Variants in LRP1B observed in about 807,000 individuals in gnomAD.
LRP1B encodes low-density lipoprotein receptor-related protein 1B.
Under a neutral mutation model 556.6 loss-of-function variants are expected in LRP1B, and 217 were observed. The observed-to-expected ratio is 0.39, with a 90% confidence interval of 0.35 to 0.44. LRP1B has a LOEUF of 0.44. Among genes scored for constraint, LRP1B ranks in the 20% least tolerant of loss-of-function variants. The probability of loss-of-function intolerance (pLI) is 1.00; values close to 1 mark genes in which losing one functional copy is unlikely to be tolerated. For missense variants in LRP1B, 5,053 were observed against 5,620.8 expected (o/e 0.90, Z 3.23); for synonymous variants, 2,047 against 1,865.8 (o/e 1.10, Z -2.50).
intron 76 of LRP1B, 45 bp from the exon 77 acceptor site, chr2:140,351,083 CTAA>C: frequency 7.9e-7 from 1 of 1,264,956 alleles, no homozygotes; most frequent in South Asian, 1.4e-5. Flanking sequence ...TAAATTTCAA[CTAA>C]TGTTAAAAGC....
chr2:141,221,288 T>TA (rs3063857), intron 6 of LRP1B, among the ~76,000 whole-genome samples: 2,473 of 131,058 alleles, frequency 0.019, 51 homozygotes, highest in African/African-American at 0.064. Flanking sequence ...CCAACAAAGA[T>TA]AAAAAAAAAA....
intron 62 of LRP1B, among the ~76,000 whole-genome samples, chr2:140,452,270 C>A (rs376596072): frequency 6.6e-6 from 1 of 151,966 alleles, no homozygotes; most frequent in Non-Finnish European, 1.5e-5. Flanking sequence ...AATCTATTAC[C>A]GTAAACTAAT....
chr2:142,003,772 A>C (rs1702726245), intron 1 of LRP1B, among the ~76,000 whole-genome samples: 1 of 152,208 alleles, frequency 6.6e-6, no homozygotes, highest in Non-Finnish European at 1.5e-5. Context: ...GGCCCCTGAC[A>C]GTCTTTAAGT....
rs769157092 is a variant in LRP1B, at chr2:141,561,042, C to T, written c.206-80509G>A. On this transcript the variant is annotated intron_variant, in intron 2 of 90. Coordinates refer to ENST00000389484, the MANE Select transcript of LRP1B (RefSeq NM_018557.3). ...GTAATCAAACTATGAATTAACTAGT[C>T]TACCTTGTGGGTTTTAAGCAGGGTA... Among the ~76,000 whole-genome samples the T allele has an allele frequency of 3.3e-5, 5 of 151,820 alleles. No homozygotes were observed. In the Middle Eastern group the frequency reaches 0.01, roughly 310 times the overall value.
chr2:142,065,516 T>C (rs1038896636), intron 1 of LRP1B, among the ~76,000 whole-genome samples: 4 of 151,338 alleles, frequency 2.6e-5, no homozygotes, highest in Admixed American at 1.3e-4. Flanking sequence ...TTTGTAATTA[T>C]TTTGGGCTTA....
intron 7 of LRP1B, among the ~76,000 whole-genome samples, chr2:141,137,473 T>C (rs968877672): frequency 6.6e-6 from 1 of 151,824 alleles, no homozygotes; most frequent in African/African-American, 2.4e-5. Flanking sequence ...GCCTTAATAT[T>C]GAAAGATTGA....
At chr2:140,550,956 C>A (rs1680526726) in intron 43 of LRP1B, among the ~76,000 whole-genome samples, 1 of 151,950 alleles carries the variant, frequency 6.6e-6, no homozygotes, top group African/African-American at 2.4e-5. Flanking sequence ...TAATTAATGT[C>A]CTTATAAGTA....
intron 80 of LRP1B, 31 bp from the exon 81 acceptor site, chr2:140,324,097 T>G (rs1439753491): frequency 7.0e-7 from 1 of 1,427,932 alleles, no homozygotes; most frequent in Non-Finnish European, 9.9e-7. Flanking sequence ...TTATGAAAGT[T>G]TTAATGTATA....
chr2:141,306,218 T>C (rs774731093), intron 3 of LRP1B, among the ~76,000 whole-genome samples: 19 of 152,076 alleles, frequency 1.2e-4, no homozygotes, highest in African/African-American at 4.3e-4. Flanking sequence ...TGAGGAAAAT[T>C]GGTACTCATT....
chr2:140,754,830 T>A (rs1410844746), intron 35 of LRP1B, among the ~76,000 whole-genome samples: 2 of 150,038 alleles, frequency 1.3e-5, no homozygotes, highest in South Asian at 2.1e-4. Context: ...GTGAAATTTT[T>A]AAAAATACAG....
At chr2:140,632,078 T>C (rs1683907148) in intron 41 of LRP1B, among the ~76,000 whole-genome samples, 1 of 152,090 alleles carries the variant, frequency 6.6e-6, no homozygotes. Context: ...GAAGAATAAA[T>C]AAAAACTTTC....
chr2:140,807,921 G>A lies in LRP1B; in HGVS notation c.5359+5736C>T, dbSNP rs372914335. 7.0e-4 allele frequency among the ~76,000 whole-genome samples: 107 copies of A among 151,988 alleles called. No individual in the cohort carries two copies. In the South Asian group the frequency reaches 0.017, roughly 25 times the overall value. The stretch of plus-strand genomic sequence containing the variant: ...AGCCTAGCCAACATGGTGAAACCCC[G>A]TCTCTACTGAAAATACAAAAATTAA... On this transcript the variant is annotated intron_variant, in intron 32 of 90. Coordinates refer to ENST00000389484, the MANE Select transcript of LRP1B (RefSeq NM_018557.3).
Position 141,291,855 on chromosome 2 carries a change from C to CAAAAA in LRP1B, c.344-37219_344-37215dup, listed in dbSNP as rs143819331. On this transcript the variant is annotated intron_variant, in intron 3 of 90. Coordinates refer to ENST00000389484, the MANE Select transcript of LRP1B (RefSeq NM_018557.3). ...TGGGCGAAAGAGCGAGACTCTGTCT[C>CAAAAA]AAAAAAAAAAAAAAAAAAAAAAAAA... Among the ~76,000 whole-genome samples the CAAAAA allele has an allele frequency of 1.9e-3, 190 of 99,246 alleles. 6 individuals are homozygous for CAAAAA. The highest frequency in any genetic ancestry group is 2.3e-3 in the African/African-American group (51 of 22,198). The allele number at this position is 99,246 out of a possible 152,430, so 65.1% of individuals were successfully genotyped here.
chr2:141,854,359 C>T (rs1697970530), intron 1 of LRP1B, among the ~76,000 whole-genome samples: 1 of 151,934 alleles, frequency 6.6e-6, no homozygotes, highest in South Asian at 2.1e-4. Context: ...AAGCAATTGC[C>T]ATTTCATCAG....
chr2:141,535,283 T>G (rs930750553), intron 2 of LRP1B, among the ~76,000 whole-genome samples: 3 of 152,174 alleles, frequency 2.0e-5, no homozygotes, highest in Non-Finnish European at 2.9e-5. Flanking sequence ...TCCCAGTAGC[T>G]GCGGAATACT....
At chr2:140,369,437 C>T (rs1046800676) in intron 71 of LRP1B, among the ~76,000 whole-genome samples, 13 of 151,854 alleles carry the variant, frequency 8.6e-5, no homozygotes, top group Admixed American at 5.9e-4. Context: ...AACCTTTGAA[C>T]GCAAAAGTCG....
intron 2 of LRP1B, among the ~76,000 whole-genome samples, chr2:141,627,671 C>T (rs946238171): frequency 4.6e-5 from 7 of 152,316 alleles, no homozygotes; most frequent in African/African-American, 1.7e-4. Flanking sequence ...TTCTCCTCCA[C>T]CCCTGGTCCA....
chr2:140,792,343 C>A (rs984929757), intron 32 of LRP1B, among the ~76,000 whole-genome samples: 2 of 152,074 alleles, frequency 1.3e-5, no homozygotes, highest in African/African-American at 4.8e-5. Flanking sequence ...GAAAAGTTTT[C>A]CCTCCCTGAC....
chr2:141,651,951 A>C (rs1260077576), intron 2 of LRP1B, among the ~76,000 whole-genome samples: 1 of 152,208 alleles, frequency 6.6e-6, no homozygotes, highest in Non-Finnish European at 1.5e-5. Context: ...ATCAATATGT[A>C]ATATTTAGAA....
Sources: gnomAD v4.1 joint callset for allele counts (sites outside exome capture counted in the v4.1 genomes callset) on GRCh38, gnomAD v4.1.1 for gene constraint, MANE v1.5 for transcripts, NCBI Gene and HGNC (gene_info 2026-07-23, HGNC 2026-07-21) for gene names.